MIGA1: variants seen among roughly 807,000 people sequenced by gnomAD.
MIGA1 encodes family with sequence similarity 73, member A.
In MIGA1, 58 loss-of-function variants were observed where a neutral mutation model predicts 82.0. The ratio of observed to expected loss-of-function variants is 0.71; its 90% CI spans 0.57 to 0.88. The LOEUF (loss-of-function observed/expected upper bound fraction) is 0.88, where lower values mean the gene tolerates loss of function less well. Ranked by LOEUF, MIGA1 falls within the 40% of genes least tolerant of loss-of-function variation. MIGA1 has a pLI of 0.00. For synonymous variants in MIGA1, 249 were observed against 253.6 expected, an observed-to-expected ratio of 0.98 and a Z score of 0.17; for missense variants, 751 against 749.1, an observed-to-expected ratio of 1.00 and a Z score of -0.03.
intron 2 of MIGA1, among the ~76,000 whole-genome samples, 178 bp downstream of exon 2, chr1:77,783,529 G>A (rs1484134157): frequency 6.6e-6 from 1 of 151,946 alleles, no homozygotes; most frequent in African/African-American, 2.4e-5. Context: ...TTTGGTTATT[G>A]TAACTCTTAA....
intron 8 of MIGA1, among the ~76,000 whole-genome samples, chr1:77,858,667 G>A (rs1685350498): frequency 6.6e-6 from 1 of 152,116 alleles, no homozygotes; most frequent in Non-Finnish European, 1.5e-5. Flanking sequence ...CAGCTAGGCT[G>A]GAGTGCAGTG....
chr1:77,871,104 A>AGGGGGAGGGG (rs1685969527), intron 14 of MIGA1, among the ~76,000 whole-genome samples: 1 of 11,250 alleles, frequency 8.9e-5, no homozygotes, highest in Non-Finnish European at 4.1e-4. Context: ...GGGGAGAGGG[A>AGGGGGAGGGG]GAGGGAGAGG....
intron 5 of MIGA1, among the ~76,000 whole-genome samples, chr1:77,809,312 G>C (rs1033210563): frequency 1.3e-5 from 2 of 152,140 alleles, no homozygotes; most frequent in African/African-American, 2.4e-5. Context: ...AAAAAGATTG[G>C]TGACATATGT....
chr1:77,786,889 C>T (rs1391138809), intron 2 of MIGA1, among the ~76,000 whole-genome samples: 1 of 152,208 alleles, frequency 6.6e-6, no homozygotes, highest in Non-Finnish European at 1.5e-5. Flanking sequence ...GGTATCTTTT[C>T]AGCAGCACCC....
chr1:77,798,421 T>TCCAC (rs1682746956), intron 2 of MIGA1, among the ~76,000 whole-genome samples: 1 of 152,146 alleles, frequency 6.6e-6, no homozygotes, highest in Non-Finnish European at 1.5e-5. Flanking sequence ...GCCTCACAAT[T>TCCAC]ATGGTAGAAG....
intron 8 of MIGA1, chr1:77,847,845 G>GT (rs1282882719): frequency 6.2e-7 from 1 of 1,607,600 alleles, no homozygotes. Flanking sequence ...TCAAACTGAT[G>GT]TGAAAGTAGA....
chr1:77,872,659 G>A (rs1646855966), intron 14 of MIGA1, among the ~76,000 whole-genome samples: 1 of 152,112 alleles, frequency 6.6e-6, no homozygotes, highest in African/African-American at 2.4e-5. Flanking sequence ...TGTTGGCTAG[G>A]ATATGAAATC....
chr1:77,792,103 G>C (rs562111920), intron 2 of MIGA1, among the ~76,000 whole-genome samples: 1 of 152,178 alleles, frequency 6.6e-6, no homozygotes, highest in Non-Finnish European at 1.5e-5. Flanking sequence ...TTATTGAAAT[G>C]CTAGCAGTTG....
chr1:77,799,749 TCTG>T (rs1285507895), intron 2 of MIGA1, among the ~76,000 whole-genome samples: 1 of 152,002 alleles, frequency 6.6e-6, no homozygotes, highest in East Asian at 1.9e-4. Context: ...CTTTGTGAGG[TCTG>T]CAGTAATGAC....
chr1:77,806,125 T>A (rs138150785), intron 4 of MIGA1, among the ~76,000 whole-genome samples: 14 of 152,342 alleles, frequency 9.2e-5, no homozygotes, highest in African/African-American at 3.4e-4. Context: ...ATTTTACTCT[T>A]CATTTCAGAA....
At chr1:77,862,423 G>C (rs938673625) in intron 12 of MIGA1, among the ~76,000 whole-genome samples, 1 of 149,336 alleles carries the variant, frequency 6.7e-6, no homozygotes, top group African/African-American at 2.5e-5. Context: ...CTCCAGCCTG[G>C]GTGACAGAAC....
intron 5 of MIGA1, chr1:77,811,494 T>C: frequency 1.3e-6 from 2 of 1,548,580 alleles, no homozygotes; most frequent in Admixed American, 1.7e-5. Context: ...TCTTTAGGAT[T>C]GGTTCTAGCT....
intron 7 of MIGA1, among the ~76,000 whole-genome samples, chr1:77,819,105 A>G (rs1683700631): frequency 1.3e-5 from 2 of 151,500 alleles, no homozygotes; most frequent in African/African-American, 2.4e-5. Flanking sequence ...AAAGAAAAAG[A>G]AAATCATCTC....
At chr1:77,848,933 G>A (rs1472097635) in intron 8 of MIGA1, 2 of 440,266 alleles carry the variant, frequency 4.5e-6, no homozygotes, top group African/African-American at 4.1e-5. Flanking sequence ...CAAAATTTTA[G>A]GTTAAAATCA....
chr1:77,779,989 C>CT (rs1341240471), intron 1 of MIGA1: 1 of 1,252,850 alleles, frequency 8.0e-7, no homozygotes, highest in African/African-American at 1.6e-5. Flanking sequence ...CATAGGAAAG[C>CT]AGGAGGGTCC....
At chr1:77,786,262 G>A (rs1356413265) in intron 2 of MIGA1, among the ~76,000 whole-genome samples, 9 of 152,218 alleles carry the variant, frequency 5.9e-5, no homozygotes, top group Admixed American at 2.0e-4. Flanking sequence ...CCTGGCCCCT[G>A]AAACCACTTT....
rs1170657797 is a variant in MIGA1, at chr1:77,878,394, C to CAAAAAAAAAAAAAAAAAAAA, written c.*3338_*3357dup. ...GGGCAACAAGAGTAAAACTCTGTCT[C>CAAAAAAAAAAAAAAAAAAAA]AAAAAAAAAAAAAAAAAAAAAAAAA... On this transcript the variant is annotated 3_prime_UTR_variant, in exon 16 of 16. Transcript: ENST00000370791. 5.6e-5 allele frequency: 2 copies of CAAAAAAAAAAAAAAAAAAAA among 35,578 alleles called. 1 individual carries two copies. The highest frequency in any genetic ancestry group is 9.8e-5 in the Non-Finnish European group (2 of 20,308). 2.2% of individuals were successfully genotyped at this position (35,578 alleles called of 1,614,324 possible).
intron 7 of MIGA1, among the ~76,000 whole-genome samples, chr1:77,831,467 A>T (rs989926970): frequency 6.6e-6 from 1 of 151,560 alleles, no homozygotes; most frequent in South Asian, 2.1e-4. Flanking sequence ...ATATATTTAT[A>T]TATTTTATAA....
chr1:77,820,336 TCCTA>T (rs1017582252), intron 7 of MIGA1, among the ~76,000 whole-genome samples: 1 of 152,136 alleles, frequency 6.6e-6, no homozygotes, highest in Non-Finnish European at 1.5e-5. Flanking sequence ...TGACGGATTA[TCCTA>T]CATCTGTATA....
Sources: gnomAD v4.1 joint callset for allele counts (sites outside exome capture counted in the v4.1 genomes callset) on GRCh38, gnomAD v4.1.1 for gene constraint, MANE v1.5 for transcripts, NCBI Gene and HGNC (gene_info 2026-07-23, HGNC 2026-07-21) for gene names.